The following NPSR1 variants were observed in gnomAD, a reference collection of about 807,000 sequenced individuals.
NPSR1 encodes neuropeptide S receptor.
Under a neutral mutation model 46.9 loss-of-function variants are expected in NPSR1, and 48 were observed. The ratio of observed to expected loss-of-function variants is 1.02; its 90% CI spans 0.81 to 1.30. NPSR1 has a LOEUF of 1.30. Ranked by LOEUF, NPSR1 falls within the 50% of genes most tolerant of loss-of-function variation. The pLI is 0.00. For missense variants in NPSR1, 450 were observed against 449.5 expected (o/e 1.00, Z -0.01); for synonymous variants, 176 against 168.1 (o/e 1.05, Z -0.36).
At chr7:34,743,453 T>G (rs1785050977) in intron 2 of NPSR1, among the ~76,000 whole-genome samples, 1 of 152,016 alleles carries the variant, frequency 6.6e-6, no homozygotes, top group African/African-American at 2.4e-5. Context: ...TTCTTTTTTT[T>G]TTTTGTAGAT....
intron 8 of NPSR1, among the ~76,000 whole-genome samples, chr7:34,872,318 A>T (rs953857922): frequency 9.9e-5 from 15 of 152,042 alleles, no homozygotes; most frequent in African/African-American, 3.4e-4. Flanking sequence ...CTGGCCCCCT[A>T]AGCCACTTTT....
At chr7:34,877,718 G>A (rs1051300686) in intron 8 of NPSR1, among the ~76,000 whole-genome samples, 2 of 152,154 alleles carry the variant, frequency 1.3e-5, no homozygotes, top group African/African-American at 2.4e-5. Flanking sequence ...TGAAATGGCT[G>A]CAGAGTCACT....
At chr7:34,687,104 C>T (rs1319544443) in intron 2 of NPSR1, among the ~76,000 whole-genome samples, 1 of 151,336 alleles carries the variant, frequency 6.6e-6, no homozygotes, top group Non-Finnish European at 1.5e-5. Context: ...GTTCTTACCA[C>T]TACCAAACCG....
intron 3 of NPSR1, among the ~76,000 whole-genome samples, chr7:34,784,328 G>T (rs919404437): frequency 2.2e-4 from 33 of 152,166 alleles, no homozygotes; most frequent in African/African-American, 7.5e-4. Context: ...GTTTGTCATA[G>T]ATAGCTCTTA....
chr7:34,776,805 C>T (rs1786978969), intron 2 of NPSR1, among the ~76,000 whole-genome samples: 1 of 152,138 alleles, frequency 6.6e-6, no homozygotes, highest in African/African-American at 2.4e-5. Context: ...CTATGTCCTT[C>T]CCTTCAAGGC....
chr7:34,861,928 A>C (rs1791199811), intron 8 of NPSR1, among the ~76,000 whole-genome samples: 1 of 151,860 alleles, frequency 6.6e-6, no homozygotes, highest in East Asian at 1.9e-4. Context: ...ACTCATTTGC[A>C]TTCAACTCCT....
At chr7:34,662,045 AAACCT>A (rs1791477580) in intron 1 of NPSR1, among the ~76,000 whole-genome samples, 1 of 152,186 alleles carries the variant, frequency 6.6e-6, no homozygotes, top group East Asian at 1.9e-4. Context: ...ACTTAATGAG[AAACCT>A]AATTAGAAGT....
intron 8 of NPSR1, among the ~76,000 whole-genome samples, chr7:34,875,426 G>T (rs1791551851): frequency 6.6e-6 from 1 of 152,216 alleles, no homozygotes. Flanking sequence ...GAGTTTAGCT[G>T]CTTCCGGCGC....
At chr7:34,790,967 ATATATGTTATATGT>A (rs1306113170) in intron 3 of NPSR1, among the ~76,000 whole-genome samples, 174 of 74,990 alleles carry the variant, frequency 2.3e-3, no homozygotes, top group African/African-American at 5.9e-3. Context: ...ATGTTATATT[ATATATGTTATATGT>A]TATATTATAT....
At chr7:34,752,019 G>T in intron 2 of NPSR1, 1 of 755,854 alleles carries the variant, frequency 1.3e-6, no homozygotes. Context: ...CACCTGCTGG[G>T]CCAGCCGGTA....
chr7:34,865,683 G>T lies in NPSR1; in HGVS notation c.1026-12393G>T, dbSNP rs528822447. On this transcript the variant is annotated intron_variant, in intron 8 of 8. Coordinates refer to the NPSR1 transcript ENST00000359791. The stretch of plus-strand genomic sequence containing the variant: ...ACACCCCCCTTAGCATCCTTAGCAG[G>T]TATAAGACAGAGGGGCACTACATTT... Among the ~76,000 whole-genome samples the T allele has an allele frequency of 4.6e-5, 7 of 151,754 alleles. 1 individual carries two copies. The highest frequency in any genetic ancestry group is 4.2e-4 in the South Asian group (2 of 4,800).
chr7:34,702,694 T>G (rs1237855887), intron 2 of NPSR1, among the ~76,000 whole-genome samples: 6 of 152,232 alleles, frequency 3.9e-5, no homozygotes, highest in African/African-American at 1.4e-4. Flanking sequence ...TTTTCTCCCA[T>G]TTTTAGGCTA....
chr7:34,859,484 A>G (rs1272193270), intron 8 of NPSR1, among the ~76,000 whole-genome samples: 1 of 151,582 alleles, frequency 6.6e-6, no homozygotes, highest in African/African-American at 2.4e-5. Context: ...AGCTGAACAC[A>G]GCATTCCTCA....
chr7:34,683,546 C>T (rs1792769074), intron 1 of NPSR1, among the ~76,000 whole-genome samples: 2 of 151,938 alleles, frequency 1.3e-5, no homozygotes, highest in African/African-American at 4.8e-5. Context: ...CTGTTTCATG[C>T]TGCTATGACA....
chr7:34,828,593 A>G (rs1371721941), intron 5 of NPSR1, among the ~76,000 whole-genome samples: 1 of 152,192 alleles, frequency 6.6e-6, no homozygotes, highest in African/African-American at 2.4e-5. Flanking sequence ...CCTTTTGGGT[A>G]GGTCTAAGCC....
At chr7:34,659,430 T>TTTG (rs779758835) in intron 1 of NPSR1, among the ~76,000 whole-genome samples, 40 of 152,114 alleles carry the variant, frequency 2.6e-4, no homozygotes, top group Non-Finnish European at 5.0e-4. Context: ...TTTGTTGGGT[T>TTTG]TTGTTGTTGT....
At chr7:34,796,093 G>A (rs1788158198) in intron 3 of NPSR1, among the ~76,000 whole-genome samples, 1 of 151,986 alleles carries the variant, frequency 6.6e-6, no homozygotes, top group Non-Finnish European at 1.5e-5. Context: ...GAAATAGTCT[G>A]GCAAAAATAT....
chr7:34,778,325 C>T, intron 2 of NPSR1, 137 bp from the exon 3 acceptor site: 1 of 529,726 alleles, frequency 1.9e-6, no homozygotes, highest in African/African-American at 2.0e-5. Flanking sequence ...TCCTCAGTGG[C>T]CATCTGATAA....
chr7:34,689,372 A>T (rs780202108), intron 2 of NPSR1, among the ~76,000 whole-genome samples: 6 of 152,060 alleles, frequency 3.9e-5, no homozygotes, highest in Non-Finnish European at 7.4e-5. Context: ...TTGGGAGGCC[A>T]AGGCGGGCAG....
Sources: gnomAD v4.1 joint callset for allele counts (sites outside exome capture counted in the v4.1 genomes callset) on GRCh38, gnomAD v4.1.1 for gene constraint, MANE v1.5 for transcripts, NCBI Gene and HGNC (gene_info 2026-07-23, HGNC 2026-07-21) for gene names.